The following NTM variants were observed in gnomAD, a reference collection of about 807,000 sequenced individuals.
NTM encodes IgLON family member 2.
A neutral mutation model predicts 42.1 loss-of-function variants in NTM; 13 were observed. The observed-to-expected ratio is 0.31, with a 90% CI of 0.20 to 0.49. The LOEUF is 0.49. Among genes scored for constraint, NTM ranks in the 20% least tolerant of loss-of-function variants. NTM has a pLI of 0.99. For synonymous variants in NTM, 187 were observed against 179.2 expected (o/e 1.04, Z -0.35); for missense variants, 373 against 452.8 (o/e 0.82, Z 1.60).
intron 1 of NTM, among the ~76,000 whole-genome samples, chr11:131,533,272 TAG>T (rs1432896524): frequency 1.3e-5 from 2 of 152,230 alleles, no homozygotes; most frequent in African/African-American, 4.8e-5. Context: ...GCCATTGGAT[TAG>T]AAACACATTA....
At chr11:132,033,381 T>C (rs1218923958) in intron 2 of NTM, among the ~76,000 whole-genome samples, 1 of 152,232 alleles carries the variant, frequency 6.6e-6, no homozygotes, top group Non-Finnish European at 1.5e-5. Flanking sequence ...TAGAACATTA[T>C]TGTGTGATAA....
At chr11:131,988,530 G>C (rs1231014610) in intron 2 of NTM, among the ~76,000 whole-genome samples, 1 of 152,178 alleles carries the variant, frequency 6.6e-6, no homozygotes, top group Non-Finnish European at 1.5e-5. Flanking sequence ...ACTGGCAGTG[G>C]TGGATATTCC....
At chr11:131,990,291 T>C (rs555224625) in intron 2 of NTM, among the ~76,000 whole-genome samples, 11 of 152,274 alleles carry the variant, frequency 7.2e-5, no homozygotes, top group Admixed American at 1.3e-4. Context: ...ATGCTGCATA[T>C]GTAAGTGTGT....
intron 4 of NTM, among the ~76,000 whole-genome samples, chr11:132,219,896 T>A (rs1247026390): frequency 6.6e-6 from 1 of 152,180 alleles, no homozygotes; most frequent in Non-Finnish European, 1.5e-5. Flanking sequence ...AGATTGAATC[T>A]TTATAAAAGC....
intron 3 of NTM, among the ~76,000 whole-genome samples, chr11:132,202,833 A>C (rs1193814700): frequency 2.6e-5 from 4 of 152,192 alleles, no homozygotes; most frequent in Admixed American, 1.3e-4. Flanking sequence ...GCACTGGTTT[A>C]TGACTAATCC....
chr11:131,704,876 G>A (rs1401718154), intron 1 of NTM, among the ~76,000 whole-genome samples: 1 of 152,106 alleles, frequency 6.6e-6, no homozygotes, highest in African/African-American at 2.4e-5. Flanking sequence ...AAAGCAGAAA[G>A]GAGAATCAGT....
rs185139271 is a variant in NTM at position 132,183,586 on chromosome 11, A to T, written c.401-28436A>T. On this transcript the variant is annotated intron_variant, in intron 3 of 8. Coordinates refer to ENST00000683400, the MANE Select transcript of NTM (RefSeq NM_001352005.2). ...ATGTCCCAGCAAGGTATTCTAAAAC[A>T]GAAATCGCTACTCCCTTTGACAACA... Among the ~76,000 whole-genome samples, 709 of 152,054 alleles carry T rather than the reference A, an allele frequency of 4.7e-3. 9 individuals are homozygous for T. Among genetic ancestry groups the T allele is most frequent in the African/African-American group, 0.017 (688 of 41,524 alleles).
chr11:131,448,860 AAT>A (rs1950264883), intron 1 of NTM, among the ~76,000 whole-genome samples: 1 of 152,212 alleles, frequency 6.6e-6, no homozygotes, highest in Admixed American at 6.5e-5. Context: ...GCTGGACTGT[AAT>A]AGAGTGGGAG....
intron 2 of NTM, among the ~76,000 whole-genome samples, chr11:132,062,071 C>T (rs1476199897): frequency 6.6e-6 from 1 of 152,088 alleles, no homozygotes; most frequent in Non-Finnish European, 1.5e-5. Context: ...GATTGGTAGA[C>T]TTCTGAAGCA....
chr11:131,794,894 G>C, intron 1 of NTM: 1 of 985,256 alleles, frequency 1.0e-6, no homozygotes, highest in Non-Finnish European at 1.2e-6. Flanking sequence ...GGCCACCCTT[G>C]TCACTGCAGG....
chr11:131,434,472 T>C (rs1036667038), intron 1 of NTM, among the ~76,000 whole-genome samples: 3 of 152,362 alleles, frequency 2.0e-5, no homozygotes, highest in East Asian at 1.9e-4. Flanking sequence ...TTTTTAATGA[T>C]TGCCATTCTA....
chr11:131,451,791 G>C (rs1240723039), intron 1 of NTM, among the ~76,000 whole-genome samples: 2 of 152,102 alleles, frequency 1.3e-5, no homozygotes. Context: ...TTGGAGAGCT[G>C]ACTCTGACAA....
intron 1 of NTM, among the ~76,000 whole-genome samples, chr11:131,733,476 TTCCTTC>T (rs2135506595): frequency 7.3e-6 from 1 of 136,236 alleles, no homozygotes; most frequent in Non-Finnish European, 1.6e-5. Flanking sequence ...CCTTCCTTCC[TTCCTTC>T]CTTCCTTCCT....
intron 4 of NTM, among the ~76,000 whole-genome samples, chr11:132,256,031 C>T (rs1454003117): frequency 6.6e-6 from 1 of 152,134 alleles, no homozygotes; most frequent in African/African-American, 2.4e-5. Context: ...CTCCCACCTT[C>T]TCTTCTCTAT....
intron 4 of NTM, among the ~76,000 whole-genome samples, chr11:132,242,896 T>C (rs1390140495): frequency 6.6e-6 from 1 of 152,244 alleles, no homozygotes; most frequent in Non-Finnish European, 1.5e-5. Context: ...TTGCATAATC[T>C]GTGGCATTTT....
chr11:132,037,071 C>A (rs1301581042), intron 2 of NTM, among the ~76,000 whole-genome samples: 1 of 152,132 alleles, frequency 6.6e-6, no homozygotes, highest in Admixed American at 6.5e-5. Context: ...TTGATCTCTG[C>A]AAACCTCTGC....
intron 1 of NTM, among the ~76,000 whole-genome samples, chr11:131,904,618 G>A (rs1456554213): frequency 6.6e-6 from 1 of 152,214 alleles, no homozygotes; most frequent in East Asian, 1.9e-4. Flanking sequence ...CAGCCATCAG[G>A]CACCTTGGAG....
chr11:131,432,849 T>A (rs1467262782), intron 1 of NTM, among the ~76,000 whole-genome samples: 11 of 21,922 alleles, frequency 5.0e-4, no homozygotes, highest in Non-Finnish European at 1.2e-3. Context: ...CTTTTTTTTT[T>A]TTTTTTTTTT....
At chr11:132,191,550 G>T (rs1036935562) in intron 3 of NTM, among the ~76,000 whole-genome samples, 1 of 152,190 alleles carries the variant, frequency 6.6e-6, no homozygotes, top group African/African-American at 2.4e-5. Context: ...AACTTCAAAG[G>T]ATAGAGGAAC....
Sources: allele counts gnomAD v4.1 joint callset (sites outside exome capture counted in the v4.1 genomes callset), GRCh38; gene constraint gnomAD v4.1.1; transcripts MANE v1.5; gene names NCBI Gene and HGNC (gene_info 2026-07-23, HGNC 2026-07-21).